Variants in KIF6 observed in about 807,000 individuals in gnomAD.
KIF6 encodes the protein kinesin-like protein KIF6.
In KIF6, 106 loss-of-function variants were observed where a neutral mutation model predicts 112.7. That is an observed-to-expected ratio of 0.94 (90% CI 0.80 to 1.11). KIF6 has a LOEUF of 1.11. Ranked by LOEUF, KIF6 falls within the 50% of genes least tolerant of loss-of-function variation. The probability of loss-of-function intolerance (pLI) is 0.00; values close to 1 mark genes in which losing one functional copy is unlikely to be tolerated. For synonymous variants in KIF6, 339 were observed against 339.9 expected, an observed-to-expected ratio of 1.00 and a Z score of 0.03; for missense variants, 929 against 964.0, an observed-to-expected ratio of 0.96 and a Z score of 0.48.
rs553430420 is a variant in KIF6 at position 39,700,787 on chromosome 6, C to T, written c.251+13905G>A. 2.1e-3 allele frequency among the ~76,000 whole-genome samples: 321 copies of T among 151,668 alleles called. 1 individual carries two copies. The highest frequency in any genetic ancestry group is 7.4e-3 in the African/African-American group (306 of 41,302). ...GGAGTGCAGTGGCACGATCTCGGCT[C>T]ACTGCAACCTCTGCCTCCCAGTTCA... On this transcript the variant is annotated intron_variant, in intron 3 of 22. Coordinates refer to ENST00000287152, the MANE Select transcript of KIF6 (RefSeq NM_145027.6).
intron 14 of KIF6, among the ~76,000 whole-genome samples, chr6:39,425,993 C>T (rs184199381): frequency 6.6e-6 from 1 of 152,204 alleles, no homozygotes; most frequent in East Asian, 1.9e-4. Context: ...GGGTGCTTTG[C>T]TTTGTTTAGT....
chr6:39,673,792 T>A (rs974323904), intron 3 of KIF6, among the ~76,000 whole-genome samples: 1 of 151,968 alleles, frequency 6.6e-6, no homozygotes, highest in Non-Finnish European at 1.5e-5. Context: ...GAGAAAAGAG[T>A]AAAGGTAAGA....
At chr6:39,625,440 G>A (rs951780515) in intron 5 of KIF6, among the ~76,000 whole-genome samples, 1 of 152,064 alleles carries the variant, frequency 6.6e-6, no homozygotes, top group Non-Finnish European at 1.5e-5. Flanking sequence ...AATGTACACA[G>A]TCCCTGGCCA....
At chr6:39,499,784 AC>A (rs1195028927) in intron 13 of KIF6, among the ~76,000 whole-genome samples, 4 of 152,114 alleles carry the variant, frequency 2.6e-5, no homozygotes, top group Admixed American at 2.0e-4. Flanking sequence ...TCCCTCATAT[AC>A]CTTCAAGGTA....
chr6:39,472,955 C>T (rs1322555407), intron 13 of KIF6, among the ~76,000 whole-genome samples: 1 of 151,000 alleles, frequency 6.6e-6, no homozygotes, highest in African/African-American at 2.4e-5. Context: ...GGCGCGATCT[C>T]AGCTCACCGC....
rs1785152429 is a variant in KIF6 at position 39,646,032 on chromosome 6, A to G, written c.252-6275T>C. 3.9e-5 allele frequency among the ~76,000 whole-genome samples: 6 copies of G among 152,110 alleles called. No individual in the cohort carries two copies. The South Asian group carries it at 1.2e-3, about 32-fold the overall frequency. On this transcript the variant is annotated intron_variant, in intron 3 of 22. Coordinates refer to ENST00000287152, the MANE Select transcript of KIF6 (RefSeq NM_145027.6). ...TATACCTAATGTAAATGATGAGTTA[A>G]TGGGTGCAGCACACCAACATGGCAC...
Position 39,647,118 on chromosome 6 carries a change from C to A in KIF6, c.252-7361G>T, listed in dbSNP as rs1785206709. Among the ~76,000 whole-genome samples the A allele has an allele frequency of 3.3e-5, 5 of 152,256 alleles. No individual in the cohort carries two copies. In the East Asian group the frequency reaches 9.7e-4, roughly 29 times the overall value. ...CAATTCATAATTAGCACAATTAACA[C>A]AATTCAGTTTTGCCATATATAAAAA... On this transcript the variant is annotated intron_variant, in intron 3 of 22. Coordinates refer to ENST00000287152, the MANE Select transcript of KIF6 (RefSeq NM_145027.6).
intron 3 of KIF6, among the ~76,000 whole-genome samples, chr6:39,663,563 A>G (rs1786285983): frequency 6.6e-6 from 1 of 152,140 alleles, no homozygotes; most frequent in African/African-American, 2.4e-5. Context: ...ATTTGGCTAT[A>G]AGAAGCTTTA....
At chr6:39,426,429 G>A (rs765685646) in intron 14 of KIF6, among the ~76,000 whole-genome samples, 1 of 152,064 alleles carries the variant, frequency 6.6e-6, no homozygotes, top group Non-Finnish European at 1.5e-5. Context: ...AAGGGTGCAG[G>A]AAAAAGGGGA....
At chr6:39,717,048 A>G (rs984612455) in intron 2 of KIF6, among the ~76,000 whole-genome samples, 1 of 152,174 alleles carries the variant, frequency 6.6e-6, no homozygotes, top group Non-Finnish European at 1.5e-5. Context: ...CTTGCCTGGT[A>G]TCTCTTGCAA....
At chr6:39,721,586 T>C in intron 1 of KIF6, among the ~76,000 whole-genome samples, 1 of 152,166 alleles carries the variant, frequency 6.6e-6, no homozygotes, top group Admixed American at 6.5e-5. Context: ...TCATGTGGAA[T>C]AAATAAAAGC....
intron 19 of KIF6, among the ~76,000 whole-genome samples, chr6:39,350,143 A>G (rs1286583431): frequency 6.6e-6 from 1 of 152,204 alleles, no homozygotes; most frequent in Non-Finnish European, 1.5e-5. Context: ...TTTACCCTTT[A>G]AAAATCCTGG....
At chr6:39,497,468 T>C (rs1775852202) in intron 13 of KIF6, among the ~76,000 whole-genome samples, 1 of 152,218 alleles carries the variant, frequency 6.6e-6, no homozygotes, top group Non-Finnish European at 1.5e-5. Context: ...CCCAAGATCC[T>C]AGGCAGATGG....
At chr6:39,381,679 C>G (rs1455943895) in intron 16 of KIF6, among the ~76,000 whole-genome samples, 2 of 152,216 alleles carry the variant, frequency 1.3e-5, no homozygotes, top group African/African-American at 4.8e-5. Context: ...AGTTCCAAAT[C>G]TCCATCAGAC....
At chr6:39,558,664 G>A (rs2150591754) in intron 10 of KIF6, among the ~76,000 whole-genome samples, 1 of 152,266 alleles carries the variant, frequency 6.6e-6, no homozygotes, top group Middle Eastern at 3.4e-3. Context: ...AAAACAGTAT[G>A]TTCATGTTTT....
At chr6:39,558,633 G>A (rs904558732) in intron 10 of KIF6, among the ~76,000 whole-genome samples, 2 of 152,078 alleles carry the variant, frequency 1.3e-5, no homozygotes, top group African/African-American at 2.4e-5. Context: ...CACTGAGAAA[G>A]CATTAAACAA....
intron 15 of KIF6, among the ~76,000 whole-genome samples, chr6:39,417,225 C>T (rs910401357): frequency 6.6e-6 from 1 of 152,160 alleles, no homozygotes; most frequent in African/African-American, 2.4e-5. Context: ...AGGCTACTCC[C>T]TGAGGTCAAG....
intron 5 of KIF6, among the ~76,000 whole-genome samples, chr6:39,628,021 C>T (rs1448668097): frequency 6.6e-6 from 1 of 152,028 alleles, no homozygotes; most frequent in Non-Finnish European, 1.5e-5. Context: ...TGTCTATATA[C>T]AAATATATAG....
intron 13 of KIF6, among the ~76,000 whole-genome samples, chr6:39,511,968 T>G (rs1032221126): frequency 1.3e-5 from 2 of 152,070 alleles, no homozygotes; most frequent in African/African-American, 2.4e-5. Flanking sequence ...GGGGGAGAGA[T>G]AGCATTAGGA....
Sources: allele counts gnomAD v4.1 joint callset (sites outside exome capture counted in the v4.1 genomes callset), GRCh38; gene constraint gnomAD v4.1.1; transcripts MANE v1.5; gene names NCBI Gene and HGNC (gene_info 2026-07-23, HGNC 2026-07-21).